Variants in GAS2 observed in about 807,000 individuals in gnomAD.
The protein encoded by GAS2 is growth arrest-specific protein 2.
GAS2 carries 20 observed loss-of-function variants against 37.5 expected under a neutral mutation model. The observed-to-expected ratio is 0.53, with a 90% CI of 0.37 to 0.77. The LOEUF is 0.77. Ranked by LOEUF, GAS2 falls within the 30% of genes least tolerant of loss-of-function variation. The pLI, the probability that GAS2 is intolerant of heterozygous loss-of-function variation, is 0.00. For synonymous variants in GAS2, 144 were observed against 132.2 expected, an observed-to-expected ratio of 1.09 and a Z score of -0.61; for missense variants, 336 against 373.4, an observed-to-expected ratio of 0.90 and a Z score of 0.82.
chr11:22,679,041 G>C (rs1849559021), intron 2 of GAS2, among the ~76,000 whole-genome samples: 1 of 152,002 alleles, frequency 6.6e-6, no homozygotes, highest in South Asian at 2.1e-4. Context: ...GTGGTTAATA[G>C]TAGCTGGGAT....
chr11:22,760,574 A>T (rs575642579), intron 7 of GAS2, among the ~76,000 whole-genome samples: 43 of 152,358 alleles, frequency 2.8e-4, no homozygotes, highest in African/African-American at 9.9e-4. Context: ...GGTGCTAAAA[A>T]TGATCATTTT....
chr11:22,655,832 G>A (rs1020601037), intron 1 of GAS2, among the ~76,000 whole-genome samples: 1 of 152,096 alleles, frequency 6.6e-6, no homozygotes, highest in African/African-American at 2.4e-5. Flanking sequence ...TATGTGTCTA[G>A]ATGGGCCTGA....
At chr11:22,780,443 C>T (rs952858102) in intron 7 of GAS2, among the ~76,000 whole-genome samples, 93 of 150,786 alleles carry the variant, frequency 6.2e-4, no homozygotes, top group Admixed American at 6.2e-3. Context: ...TGCAGTGAGC[C>T]GAAATCGTGC....
rs1395923377 is a variant in GAS2 at position 22,637,256 on chromosome 11, C to A, written c.-21+11443C>A. On this transcript the variant is annotated intron_variant, in intron 1 of 5. Transcript: ENST00000528582. ...TAATATTAATTATATTAATAGTATACTAATATATTAATTATATTAATAGTA... is the reference window on the plus strand; with the variant it reads ...TAATATTAATTATATTAATAGTATAATAATATATTAATTATATTAATAGTA... Among the ~76,000 whole-genome samples the A allele has an allele frequency of 5.9e-4, 5 of 8,508 alleles. 1 individual carries two copies. Among genetic ancestry groups the A allele is most frequent in the Non-Finnish European group, 1.5e-3 (4 of 2,590 alleles). The allele number at this position is 8,508 out of a possible 152,430, so 5.6% of individuals were successfully genotyped here. A position where few individuals can be genotyped will look rare whatever the true frequency, so the allele number is the denominator to read the frequency against.
At chr11:22,678,027 A>G (rs886840937) in intron 2 of GAS2, among the ~76,000 whole-genome samples, 3 of 152,148 alleles carry the variant, frequency 2.0e-5, no homozygotes, top group Non-Finnish European at 2.9e-5. Flanking sequence ...CACAAATGCA[A>G]TTGATGGTTT....
intron 7 of GAS2, among the ~76,000 whole-genome samples, chr11:22,788,026 T>C (rs746097345): frequency 6.6e-6 from 1 of 152,194 alleles, no homozygotes; most frequent in Non-Finnish European, 1.5e-5. Context: ...TCGGAGTGCC[T>C]CTGCAACATG....
intron 3 of GAS2, among the ~76,000 whole-genome samples, chr11:22,704,152 G>A (rs1850984644): frequency 6.6e-6 from 1 of 152,078 alleles, no homozygotes; most frequent in Non-Finnish European, 1.5e-5. Flanking sequence ...AGGATGTGAA[G>A]CAAATAAGTC....
At chr11:22,810,344 C>T (rs1336217870) in intron 7 of GAS2, among the ~76,000 whole-genome samples, 1 of 75,674 alleles carries the variant, frequency 1.3e-5, no homozygotes, top group Non-Finnish European at 4.2e-5. Flanking sequence ...GTTTCAGCTC[C>T]TTGATACTAT....
chr11:22,641,939 T>C (rs952371411), intron 1 of GAS2, among the ~76,000 whole-genome samples: 4 of 152,176 alleles, frequency 2.6e-5, no homozygotes, highest in Admixed American at 6.5e-5. Context: ...CAATGTGAAG[T>C]GTTTTCATAA....
chr11:22,713,893 A>G (rs1271549366), intron 3 of GAS2, among the ~76,000 whole-genome samples: 1 of 152,220 alleles, frequency 6.6e-6, no homozygotes, highest in Non-Finnish European at 1.5e-5. Context: ...ACACAAAAAT[A>G]GAATGTCCTT....
At chr11:22,764,835 A>G (rs1854604049) in intron 7 of GAS2, among the ~76,000 whole-genome samples, 1 of 152,170 alleles carries the variant, frequency 6.6e-6, no homozygotes, top group South Asian at 2.1e-4. Context: ...CAATGAGTAG[A>G]TTTTTCAATA....
At chr11:22,810,839 G>A (rs543112031) in intron 7 of GAS2, among the ~76,000 whole-genome samples, 25 of 152,090 alleles carry the variant, frequency 1.6e-4, no homozygotes, top group African/African-American at 4.8e-4. Flanking sequence ...TCAAGCTGAC[G>A]CCAAGTAAGA....
intron 4 of GAS2, among the ~76,000 whole-genome samples, chr11:22,734,059 A>T (rs1258981919): frequency 6.6e-6 from 1 of 151,764 alleles, no homozygotes; most frequent in Non-Finnish European, 1.5e-5. Flanking sequence ...ACTGCATGCT[A>T]GGGCTTTAGT....
chr11:22,660,726 C>T lies in GAS2; in HGVS notation c.-20-14124C>T, dbSNP rs533527228. 6.8e-4 allele frequency among the ~76,000 whole-genome samples: 103 copies of T among 152,214 alleles called. 1 individual carries two copies. Among genetic ancestry groups the T allele is most frequent in the Middle Eastern group, 3.4e-3 (1 of 294 alleles). On this transcript the variant is annotated intron_variant, in intron 1 of 5. Transcript: ENST00000528582. ...CAGCCTCTGTGGGGATGATGGCTGG[C>T]GAAACTTCTTTGCAAATGACTCTAG...
chr11:22,776,611 T>A (rs959037746), intron 7 of GAS2, among the ~76,000 whole-genome samples: 2 of 152,156 alleles, frequency 1.3e-5, no homozygotes, highest in African/African-American at 4.8e-5. Context: ...TCTGTTAAAA[T>A]TTTATATAAA....
At chr11:22,647,333 T>C (rs1848709709) in intron 1 of GAS2, among the ~76,000 whole-genome samples, 1 of 152,180 alleles carries the variant, frequency 6.6e-6, no homozygotes, top group Non-Finnish European at 1.5e-5. Context: ...TGTTGGACAC[T>C]TGGGTTGGTT....
intron 3 of GAS2, among the ~76,000 whole-genome samples, chr11:22,698,372 A>T (rs1260901406): frequency 1.3e-5 from 2 of 152,090 alleles, no homozygotes; most frequent in East Asian, 3.8e-4. Context: ...TTGTGGCAAT[A>T]ATCAATAGCT....
chr11:22,686,827 G>A (rs1347269907), intron 3 of GAS2, among the ~76,000 whole-genome samples: 1 of 151,860 alleles, frequency 6.6e-6, no homozygotes, highest in Non-Finnish European at 1.5e-5. Context: ...AACTCTGACA[G>A]AAAAAATAAA....
At chr11:22,759,730 C>G (rs1402586960) in intron 7 of GAS2, among the ~76,000 whole-genome samples, 1 of 152,142 alleles carries the variant, frequency 6.6e-6, no homozygotes, top group Non-Finnish European at 1.5e-5. Flanking sequence ...TTGGATTATT[C>G]CCATTCAACC....
Sources: allele counts gnomAD v4.1 joint callset (sites outside exome capture counted in the v4.1 genomes callset), GRCh38; gene constraint gnomAD v4.1.1; transcripts MANE v1.5; gene names NCBI Gene and HGNC (gene_info 2026-07-23, HGNC 2026-07-21).